Variants in DMD observed in about 807,000 individuals in gnomAD.
DMD encodes dystrophin.
In DMD, 63 loss-of-function variants were observed where a neutral mutation model predicts 330.1. The observed-to-expected ratio is 0.19, with a 90% confidence interval of 0.16 to 0.24. The LOEUF is 0.24. Among genes scored for constraint, DMD ranks in the 10% least tolerant of loss-of-function variants. DMD has a pLI of 1.00. For synonymous variants in DMD, 1,223 were observed against 959.8 expected, an observed-to-expected ratio of 1.27 and a Z score of -5.07; for missense variants, 3,344 against 2,684.1, an observed-to-expected ratio of 1.25 and a Z score of -5.43.
chrX:32,097,130 C>T (rs2096513039), intron 44 of DMD, among the ~76,000 whole-genome samples: 1 of 110,833 alleles, frequency 9.0e-6, no homozygotes, highest in Non-Finnish European at 1.9e-5. Context: ...ATGTGCAGAA[C>T]GTGCAGATTT....
intron 55 of DMD, among the ~76,000 whole-genome samples, chrX:31,511,597 C>G (rs1417624954): frequency 9.5e-6 from 1 of 105,544 alleles, no homozygotes; most frequent in East Asian, 3.1e-4. Flanking sequence ...GTGTTCTGTT[C>G]TTGTGATAGT....
chrX:32,604,856 G>A (rs1242404994), intron 12 of DMD, among the ~76,000 whole-genome samples: 1 of 106,368 alleles, frequency 9.4e-6, no homozygotes, highest in Non-Finnish European at 1.9e-5. Context: ...AAAAGTGAAA[G>A]GTGTCTACAA....
At chrX:32,226,165 G>A (rs955515479) in intron 43 of DMD, among the ~76,000 whole-genome samples, 1 of 111,166 alleles carries the variant, frequency 9.0e-6, no homozygotes, top group Middle Eastern at 4.6e-3. Flanking sequence ...CCCTATTTTC[G>A]GTTTCTCAGC....
chrX:32,305,743 C>A (rs2148564667), intron 42 of DMD, among the ~76,000 whole-genome samples: 1 of 111,269 alleles, frequency 9.0e-6, no homozygotes, highest in East Asian at 2.9e-4. Flanking sequence ...ACAATGGCCC[C>A]AAAGGCCCTC....
At chrX:32,787,270 G>GAA (rs1418617420) in intron 7 of DMD, among the ~76,000 whole-genome samples, 585 of 94,825 alleles carry the variant, frequency 6.2e-3, no homozygotes, top group African/African-American at 0.01. Flanking sequence ...GAGAGAGAGA[G>GAA]AGAAAGAGAG....
In DMD at chrX:32,076,373, T is replaced by G. The variant is rs192556016; in HGVS notation, c.6439-107859A>C. Among the ~76,000 whole-genome samples the G allele has an allele frequency of 6.6e-4, 62 of 93,723 alleles. No homozygotes were observed. In the East Asian group the frequency reaches 0.012, roughly 19 times the overall value. The allele number at this position is 93,723 out of a possible 115,157, so 81.4% of individuals were successfully genotyped here. ...TAAAGGAAACATAAGACTTCTTTTT[T>G]TCTTTCTTTCTTTTTTTTTTTTTTG... is the stretch of plus-strand genomic sequence containing the variant. On this transcript the variant is annotated intron_variant, in intron 44 of 78. Coordinates refer to ENST00000357033, the MANE Select transcript of DMD (RefSeq NM_004006.3).
chrX:31,419,202 C>T (rs921476873), intron 60 of DMD, among the ~76,000 whole-genome samples: 1 of 104,600 alleles, frequency 9.6e-6, no homozygotes, highest in Non-Finnish European at 2.0e-5. Context: ...CCTTGGCCTC[C>T]CAAAGTGCTG....
chrX:33,058,782 C>A (rs1276715031), intron 1 of DMD, among the ~76,000 whole-genome samples: 1 of 111,526 alleles, frequency 9.0e-6, no homozygotes, highest in East Asian at 2.8e-4. Flanking sequence ...ATATTTTAAC[C>A]ATTCGGATGC....
At chrX:32,183,279 C>T (rs1437338091) in intron 44 of DMD, among the ~76,000 whole-genome samples, 1 of 110,474 alleles carries the variant, frequency 9.1e-6, no homozygotes, top group Non-Finnish European at 1.9e-5. Flanking sequence ...TGTTGAAGTT[C>T]CCTGGTGTGA....
chrX:32,109,702 T>C (rs953433170), intron 44 of DMD, among the ~76,000 whole-genome samples: 2 of 111,046 alleles, frequency 1.8e-5, no homozygotes, highest in African/African-American at 6.5e-5. Context: ...CATCTTCCTT[T>C]AAGCATTTCT....
At chrX:32,871,411 A>G (rs902586215) in intron 2 of DMD, among the ~76,000 whole-genome samples, 3 of 110,886 alleles carry the variant, frequency 2.7e-5, no homozygotes, top group Non-Finnish European at 5.7e-5. Flanking sequence ...CTATTTTAAC[A>G]TATTAACTGA....
chrX:33,302,573 A>G (rs942771068), intron 1 of DMD, among the ~76,000 whole-genome samples: 1 of 111,145 alleles, frequency 9.0e-6, no homozygotes, highest in African/African-American at 3.3e-5. Flanking sequence ...CCATTTTTCT[A>G]TAGTGGTATT....
chrX:31,757,311 T>C (rs1382027651), intron 51 of DMD, among the ~76,000 whole-genome samples: 1 of 111,591 alleles, frequency 9.0e-6, no homozygotes, highest in East Asian at 2.8e-4. Flanking sequence ...TGCTAGTCCC[T>C]ATTTGAAATA....
chrX:32,503,847 G>A (rs111917124), intron 18 of DMD, among the ~76,000 whole-genome samples: 2,603 of 111,747 alleles, frequency 0.023, 35 homozygotes, highest in South Asian at 0.062. Context: ...GTGAGCCACC[G>A]TGCCTGGCCT....
chrX:31,237,687 T>C, intron 63 of DMD, among the ~76,000 whole-genome samples: 1 of 112,057 alleles, frequency 8.9e-6, no homozygotes, highest in South Asian at 3.8e-4. Flanking sequence ...CTGGAACCAA[T>C]ATTACCGGTA....
At chrX:32,783,944 A>G (rs2148574494) in intron 7 of DMD, among the ~76,000 whole-genome samples, 1 of 105,697 alleles carries the variant, frequency 9.5e-6, no homozygotes, top group East Asian at 3.1e-4. Context: ...TTATTATTAC[A>G]GAGATTTCCC....
chrX:31,651,425 T>C (rs1283033422), intron 54 of DMD, among the ~76,000 whole-genome samples: 4 of 111,360 alleles, frequency 3.6e-5, no homozygotes, highest in Non-Finnish European at 7.5e-5. Context: ...GAATGGAACA[T>C]CAACATTTAA....
chrX:32,247,745 C>T (rs900269632), intron 43 of DMD, among the ~76,000 whole-genome samples: 1 of 111,469 alleles, frequency 9.0e-6, no homozygotes, highest in South Asian at 3.7e-4. Flanking sequence ...GAACTGAGGA[C>T]TCGTCACTGT....
At chrX:32,183,592 A>T (rs1313963997) in intron 44 of DMD, among the ~76,000 whole-genome samples, 1 of 103,442 alleles carries the variant, frequency 9.7e-6, no homozygotes, top group Non-Finnish European at 2.0e-5. Flanking sequence ...ATATATATGT[A>T]TGTATACATA....
Sources: gnomAD v4.1 joint callset for allele counts (sites outside exome capture counted in the v4.1 genomes callset) on GRCh38, gnomAD v4.1.1 for gene constraint, MANE v1.5 for transcripts, NCBI Gene and HGNC (gene_info 2026-07-23, HGNC 2026-07-21) for gene names.